The following CCDC154 variants were observed in gnomAD, a reference collection of about 807,000 sequenced individuals.
CCDC154 encodes coiled-coil domain containing 154.
CCDC154 carries 91 observed loss-of-function variants against 87.5 expected under a neutral mutation model. The observed-to-expected ratio is 1.04, with a 90% CI of 0.88 to 1.24. The LOEUF is 1.24. Among genes scored for constraint, CCDC154 ranks in the 50% most tolerant of loss-of-function variants. The pLI, the probability that CCDC154 is intolerant of heterozygous loss-of-function variation, is 0.00. For missense variants in CCDC154, 903 were observed against 879.2 expected, an observed-to-expected ratio of 1.03 and a Z score of -0.34; for synonymous variants, 418 against 400.4, an observed-to-expected ratio of 1.04 and a Z score of -0.52.
rs1477750697 is a variant in CCDC154, at chr16:1,443,696, C to T, written c.225-1G>A. ...CACCTCGGCCTGCAGCTCCACCACCCTGGCCGGGGCGAGAGTGGGCGAGTC... is the reference window on the plus strand; with the variant it reads ...CACCTCGGCCTGCAGCTCCACCACCTTGGCCGGGGCGAGAGTGGGCGAGTC... On this transcript the variant is annotated splice_acceptor_variant, in intron 2 of 16. Transcript: ENST00000389176. LOFTEE classifies it high-confidence loss of function. 30 of 1,294,366 alleles carry T rather than the reference C, an allele frequency of 2.3e-5. No individual in the cohort carries two copies. Among genetic ancestry groups the T allele is most frequent in the Non-Finnish European group, 2.9e-5 (29 of 994,120 alleles). The allele number at this position is 1,294,366 out of a possible 1,614,324, so 80.2% of individuals were successfully genotyped here. A position where few individuals can be genotyped will look rare whatever the true frequency, so the allele number is the denominator to read the frequency against.
chr16:1,440,145 G>GAAAAAAAAAAAAAAAAAAAAAAA (rs35755175), intron 6 of CCDC154, among the ~76,000 whole-genome samples: 1 of 102,360 alleles, frequency 9.8e-6, no homozygotes, highest in African/African-American at 4.3e-5. Flanking sequence ...GAGACTGTCA[G>GAAAAAAAAAAAAAAAAAAAAAAA]AAAAAAAAAA....
rs1436597479 is a variant in CCDC154, at chr16:1,435,135, G to T, written c.1646C>A (p.Ala549Asp). The change falls in exon 15 of 17, where the codon GCC becomes GAC. Residue 549 changes from alanine (A) to aspartate (D), a missense_variant. Coordinates refer to ENST00000389176, the MANE Select transcript of CCDC154 (RefSeq NM_001143980.3). ...CCTGAGGTTCTGGATGGTCTTGTTG[G>T]CCTGGACGCAGTTTTCCAGCTTCAT... ...QIMKLENCVQ[A>D]NKTIQNLRFN... 7.7e-6 allele frequency: 12 copies of T among 1,550,310 alleles called. No individual in the cohort carries two copies. In the Admixed American group the frequency reaches 2.2e-4, roughly 28 times the overall value.
intron 14 of CCDC154, 74 bp from the exon 15 acceptor site, chr16:1,435,249 T>C (rs1347935776): frequency 1.8e-5 from 24 of 1,320,076 alleles, no homozygotes; most frequent in Non-Finnish European, 2.6e-5. Context: ...GGCACCCCGA[T>C]ATCCACTGTT....
intron 13 of CCDC154, among the ~76,000 whole-genome samples, 157 bp from the exon 14 acceptor site, chr16:1,436,243 C>T (rs539543049): frequency 3.3e-5 from 5 of 152,276 alleles, no homozygotes; most frequent in South Asian, 4.1e-4. Context: ...GGGTCCCCAA[C>T]GGGGGGTAGA....
At chr16:1,437,648 G>T in intron 11 of CCDC154, 169 bp downstream of exon 11, 1 of 787,116 alleles carries the variant, frequency 1.3e-6, no homozygotes, top group Non-Finnish European at 1.9e-6. Flanking sequence ...CCCCACACAG[G>T]AGTCTCTGGG....
intron 5 of CCDC154, 106 bp downstream of exon 5, chr16:1,442,774 G>T: frequency 8.2e-7 from 1 of 1,219,702 alleles, no homozygotes; most frequent in Non-Finnish European, 1.1e-6. Context: ...TGCCCCGCCG[G>T]GTTACTGGGG....
intron 14 of CCDC154, 114 bp downstream of exon 14, chr16:1,435,855 G>C (rs2038497043): frequency 1.1e-6 from 1 of 899,630 alleles, no homozygotes; most frequent in Non-Finnish European, 1.7e-6. Flanking sequence ...AGCGTCTCCT[G>C]CTGGCTGGAA....
At position 1,442,955 on chromosome 16, in the gene CCDC154, G is replaced by A. The variant is rs1224289685; in HGVS notation, c.476C>T (p.Ala159Val). The A allele has an allele frequency of 6.5e-7, 1 of 1,550,020 alleles. No individual in the cohort carries two copies. The highest frequency in any genetic ancestry group is 2.0e-5 in the Admixed American group (1 of 51,006). The change falls in exon 5 of 17, where the codon GCC becomes GTC. Residue 159 changes from alanine to valine, a missense_variant. Physicochemically the swap from Ala to Val is moderately conservative, Grantham distance 64. Transcript: ENST00000389176. Reference sequence around the variant, plus strand: ...CTGCCTCCTCCTGAGCCGGGTCAAGGCTTCCCGGACCTCCACCAGCCTGGG... The same window carrying A: ...CTGCCTCCTCCTGAGCCGGGTCAAGACTTCCCGGACCTCCACCAGCCTGGG... ...LDKRLVEVRE[A>V]LTRLRRRQVQ...
At chr16:1,437,010 G>T in intron 11 of CCDC154, 199 bp from the exon 12 acceptor site, 1 of 698,930 alleles carries the variant, frequency 1.4e-6, no homozygotes, top group Non-Finnish European at 2.3e-6. Flanking sequence ...GGCAGGGCCT[G>T]GGCAGCCGAG....
In CCDC154 at chr16:1,442,416, G is replaced by A. The variant is rs1337440934; in HGVS notation, c.665C>T (p.Ala222Val). 5 of 1,548,404 alleles carry A rather than the reference G, an allele frequency of 3.2e-6. No individual in the cohort carries two copies. The highest frequency in any genetic ancestry group is 1.4e-5 in the African/African-American group (1 of 72,996). Reference protein sequence around the residue: ...DSSRRVDLEVARMQAQVTKLG... With the variant: ...DSSRRVDLEVVRMQAQVTKLG... Reference sequence around the variant, plus strand: ...TGGGCCTGGTGGTACCTGCATTCTGGCCACCTCCAGGTCCACCCTCCGGCT... The same window carrying A: ...TGGGCCTGGTGGTACCTGCATTCTGACCACCTCCAGGTCCACCCTCCGGCT... The change falls in exon 6 of 17, where the codon GCC (alanine) becomes GTC (valine). Residue 222 changes from alanine to valine, a missense_variant. Physicochemically the swap from Ala to Val is moderately conservative, Grantham distance 64. Coordinates refer to ENST00000389176, the MANE Select transcript of CCDC154 (RefSeq NM_001143980.3).
chr16:1,436,778 A>G lies in CCDC154; in HGVS notation c.1324T>C (p.Ser442Pro). The change falls in exon 12 of 17, where the codon TCC becomes CCC. Residue 442 changes from serine to proline, a missense_variant. By Grantham distance (74) the Ser-to-Pro change is moderately conservative. Transcript: ENST00000389176. ...CGCCACCTGGCCAGGTCCTCCAGGG[A>G]CTTCCTCTCTGCACCTTCCCATTCG... Reference protein sequence around the residue: ...KTEWEGAERKSLEDLARWRKE... With the variant: ...KTEWEGAERKPLEDLARWRKE... 1.3e-6 allele frequency: 2 copies of G among 1,550,422 alleles called. No individual in the cohort carries two copies. The highest frequency in any genetic ancestry group is 1.7e-6 in the Non-Finnish European group (2 of 1,146,890).
intron 6 of CCDC154, among the ~76,000 whole-genome samples, chr16:1,440,467 GGAAGA>G (rs928802346): frequency 3.3e-4 from 49 of 148,676 alleles, no homozygotes; most frequent in South Asian, 2.6e-3. Context: ...AAAAGAGAAG[GGAAGA>G]GAAGAGAAGA....
rs754415127 is a variant in CCDC154, at chr16:1,438,036, C to T, written c.1152+14G>A. 7.1e-6 allele frequency: 11 copies of T among 1,545,614 alleles called. No homozygotes were observed. The highest frequency in any genetic ancestry group is 1.7e-4 in the Middle Eastern group (1 of 5,970). ...GGGAGACCCCGTTGGGGACATGTTG[C>T]GCTACCCCCTCACCAGCACCAGCTC... On this transcript the variant is annotated intron_variant, in intron 10 of 16. Coordinates refer to ENST00000389176, the MANE Select transcript of CCDC154 (RefSeq NM_001143980.3).
At chr16:1,443,752 C>T (rs754646328) in intron 2 of CCDC154, 44 bp downstream of exon 2, 20 of 1,303,672 alleles carry the variant, frequency 1.5e-5, no homozygotes, top group Non-Finnish European at 1.9e-5. Context: ...GCGGAGGCGG[C>T]GGCGACGTGG....
At chr16:1,434,558 C>T (rs1190120654) in intron 16 of CCDC154, 24 bp from the exon 17 acceptor site, 4 of 1,530,036 alleles carry the variant, frequency 2.6e-6, no homozygotes, top group Non-Finnish European at 2.6e-6. Context: ...CGGCACATGG[C>T]CCCTGCACCC....
intron 4 of CCDC154, 51 bp downstream of exon 4, chr16:1,443,210 C>G: frequency 6.5e-7 from 1 of 1,541,464 alleles, no homozygotes; most frequent in Non-Finnish European, 8.7e-7. Context: ...GCTGCTTTCT[C>G]GCCACCACCT....
rs2038531910 is a variant in CCDC154 at position 1,439,429 on chromosome 16, G to A, written c.676-303C>T. On this transcript the variant is annotated intron_variant, in intron 6 of 16. Coordinates refer to ENST00000389176, the MANE Select transcript of CCDC154 (RefSeq NM_001143980.3). The stretch of plus-strand genomic sequence containing the variant: ...GGGAAGGCCCCCCAGCCGCCACCAG[G>A]CCCGGCAGGGAAGCAGGAGTGTCGT... The A allele has an allele frequency of 6.8e-6, 3 of 442,950 alleles. No homozygotes were observed. The Admixed American group carries it at 1.2e-4, about 17-fold the overall frequency. 27.4% of individuals were successfully genotyped at this position (442,950 alleles called of 1,614,324 possible). A position where few individuals can be genotyped will look rare whatever the true frequency, so the allele number is the denominator to read the frequency against.
rs1268856557 is a variant in CCDC154 at position 1,436,586 on chromosome 16, ACC to A, written c.1411-67_1411-66del. The stretch of plus-strand genomic sequence containing the variant: ...CCATCTAGGACCAGCCTTGGCCTCG[ACC>A]CACACAGGGAGAGGGAGGAGGGGAG... On this transcript the variant is annotated intron_variant, in intron 12 of 16. Coordinates refer to ENST00000389176, the MANE Select transcript of CCDC154 (RefSeq NM_001143980.3). 5 of 1,545,602 alleles carry A rather than the reference ACC, an allele frequency of 3.2e-6. No homozygotes were observed. In the African/African-American group the frequency reaches 6.8e-5, roughly 21 times the overall value.
At chr16:1,436,390 G>A in intron 13 of CCDC154, 55 bp downstream of exon 13, 2 of 1,412,666 alleles carry the variant, frequency 1.4e-6, no homozygotes, top group Non-Finnish European at 1.9e-6. Flanking sequence ...GACCGGCCCA[G>A]CCCAGTAACG....
Sources: gnomAD v4.1 joint callset for allele counts (sites outside exome capture counted in the v4.1 genomes callset) on GRCh38, gnomAD v4.1.1 for gene constraint, MANE v1.5 for transcripts, NCBI Gene and HGNC (gene_info 2026-07-23, HGNC 2026-07-21) for gene names.